The following DMD variants were observed in gnomAD, a reference collection of about 807,000 sequenced individuals.
DMD encodes the protein dystrophin.
Under a neutral mutation model 330.1 loss-of-function variants are expected in DMD, and 63 were observed. That is an observed-to-expected ratio of 0.19 (90% CI 0.16 to 0.24). DMD has a LOEUF of 0.24. Ranked by LOEUF, DMD falls within the 10% of genes least tolerant of loss-of-function variation. DMD has a pLI of 1.00. For synonymous variants in DMD, 1,223 were observed against 959.8 expected, an observed-to-expected ratio of 1.27 and a Z score of -5.07; for missense variants, 3,344 against 2,684.1, an observed-to-expected ratio of 1.25 and a Z score of -5.43.
At chrX:32,078,404 C>T (rs191877813) in intron 44 of DMD, among the ~76,000 whole-genome samples, 8 of 112,102 alleles carry the variant, frequency 7.1e-5, no homozygotes, top group African/African-American at 9.7e-5. Flanking sequence ...TTTTATTCCA[C>T]TTTCACCCCC....
At chrX:32,704,622 A>C (rs757573142) in intron 7 of DMD, among the ~76,000 whole-genome samples, 3 of 112,612 alleles carry the variant, frequency 2.7e-5, no homozygotes, top group Non-Finnish European at 5.6e-5. Context: ...TCAGTCTTTT[A>C]AGAGTTTTAT....
chrX:32,129,787 C>T (rs772094149), intron 44 of DMD, among the ~76,000 whole-genome samples: 2 of 105,655 alleles, frequency 1.9e-5, no homozygotes, highest in Non-Finnish European at 3.9e-5. Flanking sequence ...AACATTATGT[C>T]CAAGATTTTT....
intron 55 of DMD, among the ~76,000 whole-genome samples, chrX:31,529,208 C>T (rs1470530978): frequency 2.0e-5 from 2 of 101,937 alleles, no homozygotes; most frequent in African/African-American, 3.6e-5. Context: ...GGTGACAGAG[C>T]GAGACTCCAT....
At chrX:31,531,058 C>T (rs2073769718) in intron 55 of DMD, among the ~76,000 whole-genome samples, 1 of 86,783 alleles carries the variant, frequency 1.2e-5, no homozygotes, top group Non-Finnish European at 2.1e-5. Flanking sequence ...GCCACATTTT[C>T]TTAATCCAGT....
At chrX:32,424,633 A>G (rs1279331092) in intron 29 of DMD, among the ~76,000 whole-genome samples, 2 of 111,275 alleles carry the variant, frequency 1.8e-5, no homozygotes, top group African/African-American at 6.5e-5. Context: ...TGCTGTTGCC[A>G]TCTTACAATG....
chrX:32,171,723 T>C (rs2147355028), intron 44 of DMD, among the ~76,000 whole-genome samples: 1 of 111,969 alleles, frequency 8.9e-6, no homozygotes, highest in African/African-American at 3.2e-5. Flanking sequence ...ATAATTTGCA[T>C]ATGTAGACAT....
intron 7 of DMD, among the ~76,000 whole-genome samples, chrX:32,743,498 A>T (rs1409177732): frequency 9.0e-6 from 1 of 111,409 alleles, no homozygotes; most frequent in African/African-American, 3.3e-5. Flanking sequence ...TCTGAGCCAA[A>T]ATCAAAAAAG....
intron 63 of DMD, among the ~76,000 whole-genome samples, chrX:31,226,150 G>C (rs1374004220): frequency 8.9e-6 from 1 of 111,743 alleles, no homozygotes; most frequent in South Asian, 3.8e-4. Context: ...GCCCCACCCA[G>C]ATCTGTGAAT....
At chrX:32,160,514 C>A (rs2096845802) in intron 44 of DMD, among the ~76,000 whole-genome samples, 1 of 110,392 alleles carries the variant, frequency 9.1e-6, no homozygotes, top group African/African-American at 3.3e-5. Flanking sequence ...AGATTACAGG[C>A]ATGAACCACC....
At chrX:32,530,589 G>C (rs1018920139) in intron 17 of DMD, among the ~76,000 whole-genome samples, 1 of 111,674 alleles carries the variant, frequency 9.0e-6, no homozygotes, top group East Asian at 2.8e-4. Context: ...AAAATTAAAA[G>C]GTAAGAAACC....
chrX:31,385,126 A>C (rs893812174), intron 60 of DMD, among the ~76,000 whole-genome samples: 5 of 112,207 alleles, frequency 4.5e-5, no homozygotes, highest in Non-Finnish European at 7.5e-5. Context: ...TTGGAAGCAC[A>C]AACAAATCTA....
chrX:31,478,896 C>T, intron 58 of DMD, 87 bp downstream of exon 58: 1 of 1,041,099 alleles, frequency 9.6e-7, no homozygotes. Flanking sequence ...TGAGAGCTAT[C>T]CAGACCCTGG....
intron 44 of DMD, among the ~76,000 whole-genome samples, chrX:32,136,526 A>G (rs17270961): frequency 0.021 from 2,290 of 108,260 alleles, 98 homozygotes; most frequent in Admixed American, 0.16. Flanking sequence ...GCAGATTACA[A>G]GAGAAAGTGA....
At chrX:32,360,708 T>C (rs1246554058) in intron 37 of DMD, among the ~76,000 whole-genome samples, 2 of 108,105 alleles carry the variant, frequency 1.9e-5, no homozygotes, top group Non-Finnish European at 3.8e-5. Context: ...AATCACTTGA[T>C]TCCAGGAGGC....
chrX:32,529,723 C>G (rs1244463253), intron 17 of DMD, among the ~76,000 whole-genome samples: 2 of 110,693 alleles, frequency 1.8e-5, no homozygotes, highest in South Asian at 7.6e-4. Context: ...TTACATTAGT[C>G]TATTCATCTA....
At chrX:32,692,947 T>C (rs1410778101) in intron 9 of DMD, among the ~76,000 whole-genome samples, 1 of 111,914 alleles carries the variant, frequency 8.9e-6, no homozygotes, top group Non-Finnish European at 1.9e-5. Context: ...CTAATAACTA[T>C]ATGAGTTAGA....
At chrX:32,853,771 A>G (rs1438299137) in intron 2 of DMD, among the ~76,000 whole-genome samples, 1 of 101,399 alleles carries the variant, frequency 9.9e-6, no homozygotes, top group East Asian at 3.0e-4. Flanking sequence ...CAGTGACAGA[A>G]AAAAAAAAAA....
intron 55 of DMD, among the ~76,000 whole-genome samples, chrX:31,581,905 T>C (rs1004336503): frequency 4.5e-5 from 5 of 111,779 alleles, no homozygotes; most frequent in Non-Finnish European, 9.4e-5. Context: ...CATTTTAATA[T>C]TAAAACATCG....
chrX:32,728,529 G>C (rs957836052), intron 7 of DMD, among the ~76,000 whole-genome samples: 26 of 111,496 alleles, frequency 2.3e-4, no homozygotes, highest in African/African-American at 8.5e-4. Context: ...CTTTATTTGA[G>C]CTTAGAGAGG....
Sources: allele counts gnomAD v4.1 joint callset (sites outside exome capture counted in the v4.1 genomes callset), GRCh38; gene constraint gnomAD v4.1.1; transcripts MANE v1.5; gene names NCBI Gene and HGNC (gene_info 2026-07-23, HGNC 2026-07-21).